The following TOGARAM1 variants were observed in gnomAD, a reference collection of about 807,000 sequenced individuals.
TOGARAM1 encodes the protein TOG array regulator of axonemal microtubules protein 1.
Under a neutral mutation model 166.6 loss-of-function variants are expected in TOGARAM1, and 100 were observed. That is an observed-to-expected ratio of 0.60 (90% confidence interval 0.51 to 0.71). The LOEUF (loss-of-function observed/expected upper bound fraction) is 0.71, where lower values mean the gene tolerates loss of function less well. Ranked by LOEUF, TOGARAM1 falls within the 30% of genes least tolerant of loss-of-function variation. The pLI is 0.00. For missense variants in TOGARAM1, 2,029 were observed against 2,102.7 expected, an observed-to-expected ratio of 0.96 and a Z score of 0.69; for synonymous variants, 758 against 763.8, an observed-to-expected ratio of 0.99 and a Z score of 0.13.
rs1566659931 is a variant in TOGARAM1, at chr14:45,045,533, G to GTC, written c.4154+665_4154+666dup. Among the ~76,000 whole-genome samples, 4 of 51,302 alleles carry GTC rather than the reference G, an allele frequency of 7.8e-5. 1 individual carries two copies. Among genetic ancestry groups the GTC allele is most frequent in the Admixed American group, 2.8e-4 (1 of 3,560 alleles). The allele number at this position is 51,302 out of a possible 152,430, so 33.7% of individuals were successfully genotyped here. A position where few individuals can be genotyped will look rare whatever the true frequency, so the allele number is the denominator to read the frequency against. ...TTTAATGGCAGAGTAGTATTCCATG[G>GTC]TCTGTGTGTGTATATATATATATAT... On this transcript the variant is annotated intron_variant, in intron 13 of 19. Transcript: ENST00000361462.
Position 45,052,563 on chromosome 14 carries a change from G to T in TOGARAM1, c.4440+1G>T. The T allele has an allele frequency of 6.3e-7, 1 of 1,586,320 alleles. No individual in the cohort carries two copies. Among genetic ancestry groups the T allele is most frequent in the South Asian group, 1.1e-5 (1 of 87,892 alleles). On this transcript the variant is annotated splice_donor_variant, in intron 15 of 19. Transcript: ENST00000361462. LOFTEE classifies it high-confidence loss of function. ...CTCTGTTAGAAACTTACAGCAAAAG[G>T]TATGTGGGAAAAGTTTGTTTTATAA... is the stretch of plus-strand genomic sequence containing the variant.
intron 11 of TOGARAM1, among the ~76,000 whole-genome samples, chr14:45,040,149 T>A (rs942609951): frequency 6.6e-6 from 1 of 152,260 alleles, no homozygotes; most frequent in Non-Finnish European, 1.5e-5. Flanking sequence ...TAATGACAGG[T>A]ATTTGGAAAA....
intron 6 of TOGARAM1, among the ~76,000 whole-genome samples, chr14:45,009,723 C>T (rs2138855839): frequency 6.6e-6 from 1 of 152,288 alleles, no homozygotes; most frequent in East Asian, 1.9e-4. Context: ...AGCAGTTGGA[C>T]TAACTTTTTC....
intron 1 of TOGARAM1, among the ~76,000 whole-genome samples, chr14:44,982,034 G>C (rs1293849514): frequency 1.3e-5 from 2 of 151,792 alleles, no homozygotes; most frequent in Non-Finnish European, 2.9e-5. Context: ...GTAGAGGTGG[G>C]GTTTTGCTAT....
At chr14:44,979,609 A>G (rs1245602599) in intron 1 of TOGARAM1, among the ~76,000 whole-genome samples, 2 of 152,238 alleles carry the variant, frequency 1.3e-5, no homozygotes, top group Non-Finnish European at 2.9e-5. Flanking sequence ...GCATTATTCT[A>G]TACACAAAGG....
Position 45,039,744 on chromosome 14 carries a change from G to A in TOGARAM1, c.3813-3942G>A, listed in dbSNP as rs990784108. Among the ~76,000 whole-genome samples the A allele has an allele frequency of 7.2e-5, 11 of 152,192 alleles. 1 individual carries two copies. The highest frequency in any genetic ancestry group is 2.7e-4 in the African/African-American group (11 of 41,446). ...CTGTGGGGGGCAGGGGGGTTTCCAG[G>A]GCCCCTGAGAACACAGGAATGCCCA... On this transcript the variant is annotated intron_variant, in intron 11 of 19. Coordinates refer to ENST00000361462, the MANE Select transcript of TOGARAM1 (RefSeq NM_001308120.2).
chr14:45,056,370 T>G (rs1167614667), intron 16 of TOGARAM1, among the ~76,000 whole-genome samples: 1 of 152,178 alleles, frequency 6.6e-6, no homozygotes, highest in Non-Finnish European at 1.5e-5. Context: ...TTTTTTCTCT[T>G]GCATGATTAC....
Position 45,073,485 on chromosome 14 carries a change from A to T in TOGARAM1, c.5246A>T (p.Gln1749Leu). 1 of 1,614,180 alleles carries T rather than the reference A, an allele frequency of 6.2e-7. No homozygotes were observed. Among genetic ancestry groups the T allele is most frequent in the Non-Finnish European group, 8.5e-7 (1 of 1,180,012 alleles). ...FAQMGQNLLNQAASQPPHIKK... is the reference protein window; with the variant it reads ...FAQMGQNLLNLAASQPPHIKK... The stretch of plus-strand genomic sequence containing the variant: ...CAGATGGGTCAGAATCTGTTAAATC[A>T]GGCTGCATCTCAACCACCACATATC... Residue 1749 changes from glutamine to leucine, a missense_variant, in exon 20 of 20, where the codon CAG becomes CTG. Gln to Leu is a moderately radical substitution (Grantham distance 113). Transcript: ENST00000361462.
intron 11 of TOGARAM1, among the ~76,000 whole-genome samples, chr14:45,033,495 T>C (rs1032670189): frequency 2.6e-5 from 4 of 152,308 alleles, no homozygotes; most frequent in Non-Finnish European, 5.9e-5. Context: ...TCTATAAAAC[T>C]TTACTTATAA....
At chr14:45,055,621 A>G (rs2138980217) in intron 16 of TOGARAM1, among the ~76,000 whole-genome samples, 1 of 151,982 alleles carries the variant, frequency 6.6e-6, no homozygotes, top group Non-Finnish European at 1.5e-5. Flanking sequence ...TGGCCAACGT[A>G]GTGAAACCCC....
intron 17 of TOGARAM1, 44 bp downstream of exon 17, chr14:45,066,811 C>A (rs372499059): frequency 6.5e-7 from 1 of 1,530,222 alleles, no homozygotes; most frequent in Non-Finnish European, 8.9e-7. Context: ...TATGGTGGCT[C>A]ACGCCTGTAA....
chr14:44,991,045 G>A (rs1360991832), intron 1 of TOGARAM1, among the ~76,000 whole-genome samples: 1 of 137,296 alleles, frequency 7.3e-6, no homozygotes. Flanking sequence ...CTGCAGCCTC[G>A]ACCCCCAGGC....
chr14:45,056,624 A>C (rs181865359), intron 16 of TOGARAM1, among the ~76,000 whole-genome samples: 1 of 152,078 alleles, frequency 6.6e-6, no homozygotes, highest in Non-Finnish European at 1.5e-5. Flanking sequence ...TGAGATAATC[A>C]TATGGTTTTT....
chr14:44,990,398 A>G (rs1366833211), intron 1 of TOGARAM1, among the ~76,000 whole-genome samples: 1 of 152,222 alleles, frequency 6.6e-6, no homozygotes, highest in South Asian at 2.1e-4. Context: ...TCAGTCACTT[A>G]TATGAGGAAA....
chr14:45,072,581 C>T (rs902246174), intron 19 of TOGARAM1, among the ~76,000 whole-genome samples: 2 of 152,044 alleles, frequency 1.3e-5, no homozygotes, highest in Admixed American at 6.6e-5. Context: ...CCTGCTACCA[C>T]GCCTGGCTAG....
chr14:44,992,227 TA>T (rs780125006), intron 1 of TOGARAM1, among the ~76,000 whole-genome samples: 6 of 152,032 alleles, frequency 3.9e-5, no homozygotes, highest in Non-Finnish European at 7.4e-5. Flanking sequence ...GTATCACAGC[TA>T]TTTTTTCTAA....
chr14:45,045,259 A>G (rs1881928896), intron 13 of TOGARAM1, among the ~76,000 whole-genome samples: 1 of 151,658 alleles, frequency 6.6e-6, no homozygotes, highest in African/African-American at 2.4e-5. Flanking sequence ...TTGTGCACCC[A>G]TCACTTGAGT....
chr14:45,003,807 A>ATATGTATACATATAC (rs375115435), intron 3 of TOGARAM1, among the ~76,000 whole-genome samples: 6 of 152,084 alleles, frequency 3.9e-5, no homozygotes, highest in South Asian at 2.1e-4. Flanking sequence ...GTATGTATGT[A>ATATGTATACATATAC]ATTGATAAAA....
At chr14:45,065,537 A>T (rs957762001) in intron 16 of TOGARAM1, among the ~76,000 whole-genome samples, 19 of 152,248 alleles carry the variant, frequency 1.2e-4, no homozygotes, top group African/African-American at 4.6e-4. Flanking sequence ...GACAAGCTGG[A>T]TCTACCACAT....
Sources: allele counts gnomAD v4.1 joint callset (sites outside exome capture counted in the v4.1 genomes callset), GRCh38; gene constraint gnomAD v4.1.1; transcripts MANE v1.5; gene names NCBI Gene and HGNC (gene_info 2026-07-23, HGNC 2026-07-21).